The following CBY2 variants were observed in gnomAD, a reference collection of about 807,000 sequenced individuals.
CBY2 encodes chibby family member 2, also known as protein chibby homolog 2.
A neutral mutation model predicts 25.3 loss-of-function variants in CBY2; 23 were observed. The ratio of observed to expected loss-of-function variants is 0.91; its 90% CI spans 0.65 to 1.29. The LOEUF (loss-of-function observed/expected upper bound fraction) is 1.29, where lower values mean the gene tolerates loss of function less well. CBY2 is among the 50% of genes most tolerant of loss of function. The probability of loss-of-function intolerance (pLI) is 0.00; values close to 1 mark genes in which losing one functional copy is unlikely to be tolerated. For synonymous variants in CBY2, 279 were observed against 260.2 expected, an observed-to-expected ratio of 1.07 and a Z score of -0.70; for missense variants, 642 against 590.7, an observed-to-expected ratio of 1.09 and a Z score of -0.90.
intron 2 of CBY2, among the ~76,000 whole-genome samples, chr13:45,711,002 T>TATC: frequency 6.6e-6 from 1 of 152,340 alleles, no homozygotes; most frequent in Admixed American, 6.5e-5. Context: ...TTATTTTCTC[T>TATC]ATCTGTACGG....
chr13:45,713,422 G>A lies in CBY2; in HGVS notation c.397G>A (p.Gly133Arg). 6.2e-7 allele frequency: 1 copy of A among 1,614,200 alleles called. No individual in the cohort carries two copies. Among genetic ancestry groups the A allele is most frequent in the Non-Finnish European group, 8.5e-7 (1 of 1,180,046 alleles). ...LSDEMFVFQD[G>R]RWVNENCRLQ... ...CGACGAGATGTTCGTGTTCCAGGAC[G>A]GGCGCTGGGTAAATGAGAACTGCCG... is the stretch of plus-strand genomic sequence containing the variant. Residue 133 changes from glycine (G) to arginine (R), a missense_variant, in exon 3 of 3, where the codon GGG (glycine) becomes AGG (arginine). Physicochemically the swap from Gly to Arg is moderately radical, Grantham distance 125. Transcript: ENST00000310521. This position sits in a 1 kb window ranked among gnomAD's most constrained non-coding sequence, Gnocchi z 5.0.
chr13:45,712,907 A>T (rs1950279018), intron 2 of CBY2, among the ~76,000 whole-genome samples: 1 of 152,242 alleles, frequency 6.6e-6, no homozygotes, highest in South Asian at 2.1e-4. Flanking sequence ...CTGTGACCAC[A>T]GGCTCACAGG....
At chr13:45,702,685 A>G in intron 1 of CBY2, 90 bp from the exon 2 acceptor site, 1 of 1,059,730 alleles carries the variant, frequency 9.4e-7, no homozygotes, top group Non-Finnish European at 1.4e-6. Flanking sequence ...GAAATAAATG[A>G]GTAGAAAGTT....
rs1950286620 is a variant in CBY2 at position 45,713,526 on chromosome 13, GCTGCAGGAGGAGAACAAGTCT to G, written c.506_526del (p.Gln169_Leu175del). The G allele has an allele frequency of 1.9e-6, 3 of 1,614,100 alleles. No homozygotes were observed. Among genetic ancestry groups the G allele is most frequent in the East Asian group, 2.2e-5 (1 of 44,886 alleles). On this transcript the variant is annotated inframe_deletion, in exon 3 of 3. Transcript: ENST00000310521. This position sits in a 1 kb window ranked among gnomAD's most constrained non-coding sequence, Gnocchi z 5.0. ...ACAAGAGGCTGGCCAAGGAGTGCAT[GCTGCAGGAGGAGAACAAGTCT>G]CTGCGGGAGGAGAACAAGGCCCTGC...
At chr13:45,702,528 C>A (rs1474741678) in intron 1 of CBY2, 63 bp downstream of exon 1, 1 of 1,442,948 alleles carries the variant, frequency 6.9e-7, no homozygotes, top group Non-Finnish European at 9.7e-7. Context: ...ACAGCTATCT[C>A]CACTTCAAAA....
Position 45,713,747 on chromosome 13 carries a change from G to C in CBY2, c.722G>C (p.Gly241Ala), listed in dbSNP as rs1395039851. Residue 241 changes from glycine to alanine, a missense_variant, in exon 3 of 3, where the codon GGC (glycine) becomes GCC (alanine). Coordinates refer to ENST00000310521, the MANE Select transcript of CBY2 (RefSeq NM_152719.3). The surrounding 1 kb of genome is among the most constrained non-coding windows in gnomAD (Gnocchi z 5.0). ...KDHVALQVPRGKEDSTLQLLR... is the reference protein window; with the variant it reads ...KDHVALQVPRAKEDSTLQLLR... ...CACGTCGCCCTGCAGGTGCCCCGTGGCAAGGAGGACAGCACCCTGCAGCTC... is the reference window on the plus strand; with the variant it reads ...CACGTCGCCCTGCAGGTGCCCCGTGCCAAGGAGGACAGCACCCTGCAGCTC... 6.2e-7 allele frequency: 1 copy of C among 1,610,146 alleles called. No homozygotes were observed. Among genetic ancestry groups the C allele is most frequent in the Non-Finnish European group, 8.5e-7 (1 of 1,179,176 alleles).
chr13:45,703,140 C>T, intron 2 of CBY2: 1 of 1,264,984 alleles, frequency 7.9e-7, no homozygotes, highest in Non-Finnish European at 1.0e-6. Flanking sequence ...AGTAACCCAG[C>T]CTTCTCAAAA....
chr13:45,702,636 A>G (rs969398845), intron 1 of CBY2, 139 bp from the exon 2 acceptor site: 9 of 878,224 alleles, frequency 1.0e-5, no homozygotes, highest in Non-Finnish European at 1.7e-5. Flanking sequence ...ACGTTCTTTC[A>G]GACTCAGACT....
In CBY2 at chr13:45,713,999, G is replaced by A. The variant is rs1300687551; in HGVS notation, c.974G>A (p.Arg325His). ...PARQEDSKEL[R>H]ALRKMVSNMS... ...CGGCAGGAGGACTCCAAGGAGCTGC[G>A]CGCCCTGCGGAAGATGGTCAGCAAC... Residue 325 changes from arginine to histidine, a missense_variant, in exon 3 of 3, where the codon CGC (arginine) becomes CAC (histidine). By Grantham distance (29) the Arg-to-His change is conservative (BLOSUM62 0). Transcript: ENST00000310521. The surrounding 1 kb of genome is among the most constrained non-coding windows in gnomAD (Gnocchi z 5.0). 2.0e-6 allele frequency: 3 copies of A among 1,495,644 alleles called. No homozygotes were observed. The highest frequency in any genetic ancestry group is 2.5e-5 in the East Asian group (1 of 40,436). The allele number at this position is 1,495,644 out of a possible 1,614,324, so 92.6% of individuals were successfully genotyped here.
At chr13:45,710,189 G>A (rs1166683458) in intron 2 of CBY2, among the ~76,000 whole-genome samples, 2 of 152,096 alleles carry the variant, frequency 1.3e-5, no homozygotes, top group African/African-American at 4.8e-5. Context: ...ATCCTGCTGA[G>A]ATAAAGTATT....
At position 45,713,802 on chromosome 13, in the gene CBY2, G is replaced by A; in HGVS notation, c.777G>A (p.Gln259=). The A allele has an allele frequency of 6.4e-7, 1 of 1,565,196 alleles. No individual in the cohort carries two copies. Among genetic ancestry groups the A allele is most frequent in the Non-Finnish European group, 8.6e-7 (1 of 1,156,466 alleles). Residue 259 remains glutamine, a synonymous_variant, in exon 3 of 3, where the codon CAG becomes CAA. Transcript: ENST00000310521. This position sits in a 1 kb window ranked among gnomAD's most constrained non-coding sequence, Gnocchi z 5.0. ...LLREENRALQ[Q]LLEQKQAYWA... is the part of the protein sequence containing the mutation. ...GGGAGGAGAATCGCGCGCTGCAGCA[G>A]CTGCTGGAGCAGAAACAGGCCTACT...
At chr13:45,703,672 C>A in intron 2 of CBY2, 1 of 1,232,370 alleles carries the variant, frequency 8.1e-7, no homozygotes, top group Non-Finnish European at 1.2e-6. Context: ...ATAATTGTAA[C>A]AATCTAGGCA....
rs1378792594 is a variant in CBY2 at position 45,708,498 on chromosome 13, T to C, written c.157-4684T>C. Reference sequence around the variant, plus strand: ...ATGTTAGTTGATTCACTGACACTAATGTAGGGGAAAAATTGGTGCAATAAC... The same window carrying C: ...ATGTTAGTTGATTCACTGACACTAACGTAGGGGAAAAATTGGTGCAATAAC... On this transcript the variant is annotated intron_variant, in intron 2 of 2. Coordinates refer to ENST00000310521, the MANE Select transcript of CBY2 (RefSeq NM_152719.3). 2.0e-5 allele frequency among the ~76,000 whole-genome samples: 3 copies of C among 152,168 alleles called. No homozygotes were observed. The South Asian group carries it at 6.2e-4, about 32-fold the overall frequency.
rs143200378 is a variant in CBY2 at position 45,713,776 on chromosome 13, C to G, written c.751C>G (p.Arg251Gly). The change falls in exon 3 of 3, where the codon CGG (arginine) becomes GGG (glycine). Residue 251 changes from arginine to glycine, a missense_variant. By Grantham distance (125) the Arg-to-Gly change is moderately radical. Transcript: ENST00000310521. The surrounding 1 kb of genome is among the most constrained non-coding windows in gnomAD (Gnocchi z 5.0). ...GKEDSTLQLL[R>G]EENRALQQLL... ...GGAGGACAGCACCCTGCAGCTCCTC[C>G]GGGAGGAGAATCGCGCGCTGCAGCA... 1.3e-6 allele frequency: 2 copies of G among 1,599,476 alleles called. No homozygotes were observed. Among genetic ancestry groups the G allele is most frequent in the Non-Finnish European group, 1.7e-6 (2 of 1,173,324 alleles).
intron 2 of CBY2, among the ~76,000 whole-genome samples, chr13:45,709,994 G>C (rs767339272): frequency 1.2e-4 from 18 of 152,164 alleles, no homozygotes; most frequent in Non-Finnish European, 2.4e-4. Context: ...AATAAGAATA[G>C]TAATAATATC....
chr13:45,703,507 C>G (rs928972547), intron 2 of CBY2: 1 of 1,550,674 alleles, frequency 6.4e-7, no homozygotes, highest in African/African-American at 1.4e-5. Context: ...TTTGCTTTCT[C>G]CAGAGTCACC....
intron 2 of CBY2, among the ~76,000 whole-genome samples, chr13:45,712,806 G>C (rs1367947970): frequency 6.6e-6 from 1 of 152,136 alleles, no homozygotes; most frequent in Non-Finnish European, 1.5e-5. Flanking sequence ...GTTTTGTTTG[G>C]GCATGCGTGA....
rs1018104736 is a variant in CBY2, at chr13:45,704,060, C to T, written c.156+1205C>T. Among the ~76,000 whole-genome samples the T allele has an allele frequency of 4.6e-5, 7 of 152,022 alleles. No individual in the cohort carries two copies. The highest frequency in any genetic ancestry group is 5.9e-5 in the Non-Finnish European group (4 of 68,002). On this transcript the variant is annotated intron_variant, in intron 2 of 2. Coordinates refer to ENST00000310521, the MANE Select transcript of CBY2 (RefSeq NM_152719.3). This position sits in a 1 kb window ranked among gnomAD's most constrained non-coding sequence, Gnocchi z 4.1. ...CTGAATGTTCTCTGATAGTAACCCTCGGTAATGTTAGCAAAGTTGGTGTTT... is the reference window on the plus strand; with the variant it reads ...CTGAATGTTCTCTGATAGTAACCCTTGGTAATGTTAGCAAAGTTGGTGTTT...
Position 45,714,000 on chromosome 13 carries a change from C to A in CBY2, c.975C>A (p.Arg325=). 6.7e-7 allele frequency: 1 copy of A among 1,495,692 alleles called. No individual in the cohort carries two copies. Among genetic ancestry groups the A allele is most frequent in the Non-Finnish European group, 8.9e-7 (1 of 1,124,180 alleles). 92.7% of individuals were successfully genotyped at this position (1,495,692 alleles called of 1,614,324 possible). ...GGCAGGAGGACTCCAAGGAGCTGCGCGCCCTGCGGAAGATGGTCAGCAACA... is the reference window on the plus strand; with the variant it reads ...GGCAGGAGGACTCCAAGGAGCTGCGAGCCCTGCGGAAGATGGTCAGCAACA... ...PARQEDSKEL[R]ALRKMVSNMS... is the part of the protein sequence containing the mutation. Residue 325 remains arginine, a synonymous_variant, in exon 3 of 3, where the codon CGC becomes CGA. Transcript: ENST00000310521. The surrounding 1 kb of genome is among the most constrained non-coding windows in gnomAD (Gnocchi z 5.0).
Sources: gnomAD v4.1 joint callset for allele counts (sites outside exome capture counted in the v4.1 genomes callset) on GRCh38, gnomAD v4.1.1 for gene constraint, Gnocchi (gnomAD v3.1) non-coding constraint, MANE v1.5 for transcripts, NCBI Gene and HGNC (gene_info 2026-07-23, HGNC 2026-07-21) for gene names.